Variants in PRKG1 observed in about 807,000 individuals in gnomAD.
PRKG1 encodes protein kinase cGMP-dependent 1.
A neutral mutation model predicts 88.1 loss-of-function variants in PRKG1; 35 were observed. The ratio of observed to expected loss-of-function variants is 0.40; its 90% confidence interval spans 0.30 to 0.53. The LOEUF is 0.53. PRKG1 is among the 20% of genes least tolerant of loss of function. The pLI is 0.59. For synonymous variants in PRKG1, 303 were observed against 292.5 expected, an observed-to-expected ratio of 1.04 and a Z score of -0.37; for missense variants, 540 against 839.8, an observed-to-expected ratio of 0.64 and a Z score of 4.41.
chr10:51,886,195 G>A lies in PRKG1; in HGVS notation c.699-21312G>A, dbSNP rs544720526. On this transcript the variant is annotated intron_variant, in intron 4 of 17. Transcript: ENST00000373980. ...CATGGCCACCATGCCTGGCTCCCGAGTAAGGATACTTAATATGTATTTTAC... is the reference window on the plus strand; with the variant it reads ...CATGGCCACCATGCCTGGCTCCCGAATAAGGATACTTAATATGTATTTTAC... Among the ~76,000 whole-genome samples the A allele has an allele frequency of 3.9e-5, 6 of 152,198 alleles. No individual in the cohort carries two copies. The South Asian group carries it at 1.0e-3, about 26-fold the overall frequency.
At chr10:52,084,752 T>A (rs1265947774) in intron 7 of PRKG1, among the ~76,000 whole-genome samples, 1 of 152,076 alleles carries the variant, frequency 6.6e-6, no homozygotes, top group African/African-American at 2.4e-5. Context: ...ATAGTTTATC[T>A]AGTTAACAGC....
At chr10:51,147,096 A>G (rs529445664) in intron 1 of PRKG1, among the ~76,000 whole-genome samples, 2 of 152,150 alleles carry the variant, frequency 1.3e-5, no homozygotes, top group South Asian at 2.1e-4. Context: ...AATGCATAAA[A>G]GTAAAGAGCA....
upstream of PRKG1, chr10:51,074,443 T>C: frequency 6.9e-7 from 1 of 1,454,696 alleles, no homozygotes; most frequent in Non-Finnish European, 9.1e-7. Context: ...CTGGGCATGC[T>C]CAGAAGCCAG....
At chr10:51,648,049 C>CACACACAA (rs1461781763) in intron 3 of PRKG1, among the ~76,000 whole-genome samples, 3 of 151,666 alleles carry the variant, frequency 2.0e-5, no homozygotes, top group African/African-American at 7.3e-5. Flanking sequence ...TACACACACA[C>CACACACAA]ACACACACAC....
At chr10:51,715,442 T>G (rs10762325) in intron 3 of PRKG1, among the ~76,000 whole-genome samples, 1 of 151,812 alleles carries the variant, frequency 6.6e-6, no homozygotes, top group African/African-American at 2.4e-5. Context: ...GAATGAACAT[T>G]TGGAATCAAG....
intron 9 of PRKG1, among the ~76,000 whole-genome samples, chr10:52,226,025 GAT>G (rs1840379784): frequency 8.5e-6 from 1 of 118,218 alleles, no homozygotes; most frequent in Non-Finnish European, 1.7e-5. Context: ...CATGAGGGTT[GAT>G]TTTTTTTTTT....
chr10:51,187,539 C>T (rs565864224), intron 2 of PRKG1, among the ~76,000 whole-genome samples: 164 of 152,078 alleles, frequency 1.1e-3, no homozygotes, highest in Non-Finnish European at 2.0e-3. Flanking sequence ...ACCCAAATTC[C>T]TGAATTTGTT....
chr10:51,843,412 T>C (rs1472008120), intron 4 of PRKG1, among the ~76,000 whole-genome samples: 1 of 152,196 alleles, frequency 6.6e-6, no homozygotes, highest in African/African-American at 2.4e-5. Flanking sequence ...TTAGTGACCA[T>C]TTAGAATCTA....
At chr10:52,016,833 A>T (rs1845052997) in intron 5 of PRKG1, among the ~76,000 whole-genome samples, 1 of 152,160 alleles carries the variant, frequency 6.6e-6, no homozygotes, top group African/African-American at 2.4e-5. Context: ...ACACAGCAAT[A>T]ACAGAACAAG....
chr10:51,594,473 G>A (rs541333916), intron 3 of PRKG1, among the ~76,000 whole-genome samples: 1 of 152,284 alleles, frequency 6.6e-6, no homozygotes, highest in South Asian at 2.1e-4. Context: ...TCAATATGTT[G>A]TCTCATATTA....
At chr10:52,137,320 CTTAATAAGTACCTGCAGTGATGTCA>C (rs1195113303) in intron 8 of PRKG1, among the ~76,000 whole-genome samples, 8 of 152,066 alleles carry the variant, frequency 5.3e-5, no homozygotes, top group African/African-American at 1.9e-4. Context: ...TACTTATTAT[CTTAATAAGTACCTGCAGTGATGTCA>C]AAATTTATGA....
chr10:51,105,085 G>A (rs1160529887), intron 1 of PRKG1, among the ~76,000 whole-genome samples: 1 of 151,992 alleles, frequency 6.6e-6, no homozygotes, highest in Non-Finnish European at 1.5e-5. Context: ...TGGCCAGGCT[G>A]GTCTCGAACT....
intron 7 of PRKG1, among the ~76,000 whole-genome samples, chr10:52,132,571 G>A (rs1837294697): frequency 6.6e-6 from 1 of 151,948 alleles, no homozygotes; most frequent in Admixed American, 6.6e-5. Flanking sequence ...AAAGTCACTG[G>A]GAACATCTTT....
chr10:51,670,972 C>G (rs1035576904), intron 3 of PRKG1, among the ~76,000 whole-genome samples: 16 of 151,676 alleles, frequency 1.1e-4, no homozygotes, highest in African/African-American at 3.1e-4. Context: ...TTTTGTTGTT[C>G]TATGCAATGT....
intron 2 of PRKG1, among the ~76,000 whole-genome samples, chr10:51,292,284 C>T (rs1026747816): frequency 7.9e-5 from 12 of 152,120 alleles, no homozygotes; most frequent in Non-Finnish European, 1.5e-5. Context: ...GAACACTGTC[C>T]ACAATCTCAC....
intron 5 of PRKG1, among the ~76,000 whole-genome samples, chr10:51,926,229 T>C (rs1842571652): frequency 6.6e-6 from 1 of 152,044 alleles, no homozygotes; most frequent in Non-Finnish European, 1.5e-5. Context: ...AAGAACAAAC[T>C]CGAGCTGAAC....
At chr10:51,960,105 C>CT (rs752018299) in intron 5 of PRKG1, among the ~76,000 whole-genome samples, 23 of 145,558 alleles carry the variant, frequency 1.6e-4, no homozygotes, top group Admixed American at 4.3e-4. Context: ...TCCCAAAGAC[C>CT]TTTTTACTTT....
intron 7 of PRKG1, among the ~76,000 whole-genome samples, chr10:52,123,231 A>G (rs1295276242): frequency 6.6e-6 from 1 of 152,198 alleles, no homozygotes; most frequent in African/African-American, 2.4e-5. Context: ...TTCATTCTCT[A>G]TTTAGTTATT....
intron 3 of PRKG1, among the ~76,000 whole-genome samples, chr10:51,534,868 C>T (rs1227695554): frequency 6.6e-6 from 1 of 151,466 alleles, no homozygotes; most frequent in Non-Finnish European, 1.5e-5. Context: ...ATATATTTAC[C>T]CCTTCAGAAT....
Sources: allele counts gnomAD v4.1 joint callset (sites outside exome capture counted in the v4.1 genomes callset), GRCh38; gene constraint gnomAD v4.1.1; transcripts MANE v1.5; gene names NCBI Gene and HGNC (gene_info 2026-07-23, HGNC 2026-07-21).